TLL1: variants seen among roughly 807,000 people sequenced by gnomAD.
The protein encoded by TLL1 is tolloid-like protein 1.
A neutral mutation model predicts 128.2 loss-of-function variants in TLL1; 49 were observed. The observed-to-expected ratio is 0.38, with a 90% CI of 0.30 to 0.48. TLL1 has a LOEUF of 0.48. TLL1 is among the 20% of genes least tolerant of loss of function. The pLI is 0.96. For synonymous variants in TLL1, 454 were observed against 418.8 expected (o/e 1.08, Z -1.03); for missense variants, 1,123 against 1,242.0 (o/e 0.90, Z 1.44).
intron 7 of TLL1, among the ~76,000 whole-genome samples, chr4:166,008,805 T>C (rs892506306): frequency 6.6e-6 from 1 of 151,012 alleles, no homozygotes; most frequent in Non-Finnish European, 1.5e-5. Flanking sequence ...TTCAACTCTT[T>C]TTTTTTTTTG....
chr4:165,896,103 C>T (rs145563762), intron 1 of TLL1, among the ~76,000 whole-genome samples: 2,946 of 152,072 alleles, frequency 0.019, 93 homozygotes, highest in African/African-American at 0.067. Context: ...CCCCAAGAGG[C>T]CCCGGTGTGT....
At chr4:165,979,408 AAAAAG>A (rs1736038653) in intron 1 of TLL1, among the ~76,000 whole-genome samples, 1 of 152,112 alleles carries the variant, frequency 6.6e-6, no homozygotes, top group Non-Finnish European at 1.5e-5. Flanking sequence ...CATACAGATG[AAAAAG>A]AAAACAGTTT....
chr4:166,092,406 A>G (rs901737874), intron 19 of TLL1, among the ~76,000 whole-genome samples: 3 of 152,100 alleles, frequency 2.0e-5, no homozygotes, highest in African/African-American at 7.2e-5. Flanking sequence ...TTCTATCAAT[A>G]ATGCAAATTA....
At chr4:166,086,862 C>A (rs933041042) in intron 18 of TLL1, among the ~76,000 whole-genome samples, 6 of 152,036 alleles carry the variant, frequency 3.9e-5, no homozygotes, top group Non-Finnish European at 1.5e-5. Context: ...AGCCAAGACA[C>A]ACAAAAAACA....
At chr4:165,953,158 T>C (rs956016129) in intron 1 of TLL1, among the ~76,000 whole-genome samples, 2 of 152,118 alleles carry the variant, frequency 1.3e-5, no homozygotes, top group Non-Finnish European at 2.9e-5. Context: ...AGTGCCATGG[T>C]GAAAGGATGA....
intron 18 of TLL1, 111 bp downstream of exon 18, chr4:166,078,141 C>A: frequency 6.6e-7 from 1 of 1,522,006 alleles, no homozygotes; most frequent in Non-Finnish European, 8.9e-7. Flanking sequence ...TCGTAGGCAG[C>A]TGGAAAAGAT....
At chr4:165,931,552 C>T (rs1162599933) in intron 1 of TLL1, among the ~76,000 whole-genome samples, 1 of 151,632 alleles carries the variant, frequency 6.6e-6, no homozygotes, top group Non-Finnish European at 1.5e-5. Flanking sequence ...CCCGTCTCTA[C>T]TAAAAATACA....
In TLL1 at chr4:165,992,902, G is replaced by A. The variant is rs1248638463; in HGVS notation, c.361+18G>A. The A allele has an allele frequency of 1.3e-6, 2 of 1,596,144 alleles. No homozygotes were observed. The highest frequency in any genetic ancestry group is 1.7e-6 in the Non-Finnish European group (2 of 1,163,982). ...TGGCTTTGGTATATCAATGTTTAAA[G>A]TTGCAGACGCTTGACTTGATGTACA... On this transcript the variant is annotated intron_variant, in intron 3 of 20. Coordinates refer to ENST00000061240, the MANE Select transcript of TLL1 (RefSeq NM_012464.5).
intron 1 of TLL1, among the ~76,000 whole-genome samples, chr4:165,935,432 T>G (rs551333210): frequency 6.6e-6 from 1 of 152,240 alleles, no homozygotes; most frequent in African/African-American, 2.4e-5. Context: ...TTAATGCACA[T>G]GATCTATGCT....
chr4:166,032,488 G>C (rs1275026044), intron 9 of TLL1, among the ~76,000 whole-genome samples: 2 of 152,094 alleles, frequency 1.3e-5, no homozygotes, highest in Admixed American at 1.3e-4. Context: ...AAAGTCTTCT[G>C]TATCAATGGA....
chr4:166,062,610 G>T (rs1046470306), intron 15 of TLL1, among the ~76,000 whole-genome samples: 44 of 152,284 alleles, frequency 2.9e-4, no homozygotes, highest in Admixed American at 7.2e-4. Context: ...AGCTTATGGA[G>T]ATTTTGGGCA....
chr4:166,022,784 A>G (rs549548971), intron 8 of TLL1, among the ~76,000 whole-genome samples: 11 of 152,356 alleles, frequency 7.2e-5, no homozygotes, highest in African/African-American at 2.6e-4. Context: ...GCTAGAAGGA[A>G]CATACATATG....
chr4:166,013,871 A>T (rs1012176799), intron 7 of TLL1, among the ~76,000 whole-genome samples: 1 of 151,370 alleles, frequency 6.6e-6, no homozygotes, highest in Non-Finnish European at 1.5e-5. Flanking sequence ...ATTGCTTTAA[A>T]CTGCCCTAAG....
chr4:165,900,292 T>A (rs1465485896), intron 1 of TLL1, among the ~76,000 whole-genome samples: 1 of 152,166 alleles, frequency 6.6e-6, no homozygotes, highest in East Asian at 1.9e-4. Context: ...GATAGCCGGT[T>A]ATTTTGCCCA....
chr4:166,050,344 T>C (rs1015765742), intron 12 of TLL1, among the ~76,000 whole-genome samples: 38 of 152,328 alleles, frequency 2.5e-4, no homozygotes, highest in African/African-American at 7.5e-4. Context: ...CATTCATCTA[T>C]CAATGAACCT....
At chr4:165,893,244 A>G (rs1731501736) in intron 1 of TLL1, among the ~76,000 whole-genome samples, 1 of 152,200 alleles carries the variant, frequency 6.6e-6, no homozygotes, top group African/African-American at 2.4e-5. Flanking sequence ...CAGGGACTAC[A>G]TTTATCATTG....
At chr4:166,058,878 C>T (rs752521148) in intron 14 of TLL1, among the ~76,000 whole-genome samples, 25 of 152,204 alleles carry the variant, frequency 1.6e-4, no homozygotes, top group African/African-American at 5.5e-4. Flanking sequence ...GCTTAATGCA[C>T]GCCCCCCTGC....
At chr4:165,938,425 G>T (rs1733859799) in intron 1 of TLL1, among the ~76,000 whole-genome samples, 1 of 152,018 alleles carries the variant, frequency 6.6e-6, no homozygotes, top group African/African-American at 2.4e-5. Context: ...TTTTTATCTA[G>T]ACAGTCTGGT....
intron 1 of TLL1, among the ~76,000 whole-genome samples, chr4:165,948,954 T>G (rs187243472): frequency 1.3e-5 from 2 of 152,200 alleles, no homozygotes; most frequent in African/African-American, 4.8e-5. Context: ...TTCAATCAAG[T>G]GATGATACAG....
Sources: allele counts gnomAD v4.1 joint callset (sites outside exome capture counted in the v4.1 genomes callset), GRCh38; gene constraint gnomAD v4.1.1; transcripts MANE v1.5; gene names NCBI Gene and HGNC (gene_info 2026-07-23, HGNC 2026-07-21).